CTNNA3: variants seen among roughly 807,000 people sequenced by gnomAD.
CTNNA3 encodes catenin alpha-3.
A neutral mutation model predicts 95.7 loss-of-function variants in CTNNA3; 76 were observed. The ratio of observed to expected loss-of-function variants is 0.79; its 90% CI spans 0.66 to 0.96. The LOEUF (loss-of-function observed/expected upper bound fraction) is 0.96, where lower values mean the gene tolerates loss of function less well. Ranked by LOEUF, CTNNA3 falls within the 40% of genes least tolerant of loss-of-function variation. The pLI, the probability that CTNNA3 is intolerant of heterozygous loss-of-function variation, is 0.00. For missense variants in CTNNA3, 1,191 were observed against 1,089.8 expected, an observed-to-expected ratio of 1.09 and a Z score of -1.31; for synonymous variants, 431 against 374.4, an observed-to-expected ratio of 1.15 and a Z score of -1.74.
At chr10:67,141,853 T>C (rs1262603921) in intron 7 of CTNNA3, among the ~76,000 whole-genome samples, 1 of 152,038 alleles carries the variant, frequency 6.6e-6, no homozygotes, top group African/African-American at 2.4e-5. Flanking sequence ...TCCAGGGTGT[T>C]TTTTTTTCTT....
At chr10:66,417,387 G>T (rs4746581) in intron 11 of CTNNA3, among the ~76,000 whole-genome samples, 94,741 of 151,802 alleles carry the variant, frequency 0.62, 31,774 homozygotes, top group East Asian at 0.88. Flanking sequence ...ATAAAGGAAA[G>T]ATTACTAAAT....
At chr10:65,948,342 C>T (rs1031555207) in intron 17 of CTNNA3, among the ~76,000 whole-genome samples, 1 of 151,656 alleles carries the variant, frequency 6.6e-6, no homozygotes, top group South Asian at 2.1e-4. Context: ...GCACACCCCC[C>T]CCAACATAGT....
At chr10:67,554,560 G>C (rs1000594673) in intron 3 of CTNNA3, among the ~76,000 whole-genome samples, 1 of 152,138 alleles carries the variant, frequency 6.6e-6, no homozygotes, top group Admixed American at 6.5e-5. Flanking sequence ...GTCTTCTTTT[G>C]AGAAGTGTCT....
intron 5 of CTNNA3, among the ~76,000 whole-genome samples, chr10:67,486,534 G>T (rs1358418360): frequency 6.6e-6 from 1 of 151,728 alleles, no homozygotes; most frequent in East Asian, 1.9e-4. Context: ...CCATACTTTG[G>T]TAGGTCCCCA....
intron 7 of CTNNA3, among the ~76,000 whole-genome samples, chr10:66,902,217 GT>G (rs1845781435): frequency 6.6e-6 from 1 of 152,026 alleles, no homozygotes; most frequent in African/African-American, 2.4e-5. Context: ...AGAACTCAGG[GT>G]TAAGAAACTC....
At chr10:66,186,895 T>C (rs778035098) in intron 13 of CTNNA3, among the ~76,000 whole-genome samples, 6 of 152,142 alleles carry the variant, frequency 3.9e-5, no homozygotes, top group Non-Finnish European at 7.3e-5. Context: ...TTCAATTATA[T>C]AGGTAATGTT....
chr10:66,509,586 A>C (rs1037587603), intron 11 of CTNNA3, among the ~76,000 whole-genome samples: 1 of 151,922 alleles, frequency 6.6e-6, no homozygotes, highest in Non-Finnish European at 1.5e-5. Flanking sequence ...CTGCATATGA[A>C]TATCCAGTTT....
At chr10:67,677,523 A>ACCTCACATCCCACCCATGTAT (rs973288452) in intron 1 of CTNNA3, among the ~76,000 whole-genome samples, 2 of 152,072 alleles carry the variant, frequency 1.3e-5, no homozygotes, top group Admixed American at 1.3e-4. Context: ...ATTTGCAACA[A>ACCTCACATCCCACCCATGTAT]CCTCACATCC....
Position 66,402,930 on chromosome 10 carries a change from T to C in CTNNA3, c.1532-23578A>G, listed in dbSNP as rs74141493. Among the ~76,000 whole-genome samples, 376 of 152,248 alleles carry C rather than the reference T, an allele frequency of 2.5e-3. 3 individuals are homozygous for C. Among genetic ancestry groups the C allele is most frequent in the African/African-American group, 8.6e-3 (356 of 41,552 alleles). On this transcript the variant is annotated intron_variant, in intron 11 of 17. Coordinates refer to ENST00000433211, the MANE Select transcript of CTNNA3 (RefSeq NM_013266.4). Reference sequence around the variant, plus strand: ...ATCATCATATTTGTTCCAAGTTTTTTCCCGAGGGCCTTGGAGAAAGTCACT... The same window carrying C: ...ATCATCATATTTGTTCCAAGTTTTTCCCCGAGGGCCTTGGAGAAAGTCACT...
chr10:67,040,034 T>G (rs1341377838), intron 7 of CTNNA3, among the ~76,000 whole-genome samples: 1 of 152,130 alleles, frequency 6.6e-6, no homozygotes, highest in African/African-American at 2.4e-5. Context: ...GGAGGGTTAG[T>G]GACACTCCAC....
intron 17 of CTNNA3, among the ~76,000 whole-genome samples, chr10:65,950,806 A>G (rs908845926): frequency 1.3e-5 from 2 of 152,248 alleles, no homozygotes; most frequent in Non-Finnish European, 2.9e-5. Context: ...TGTAAGGAGT[A>G]CATTTAACAG....
At chr10:67,166,803 T>A (rs1419131217) in intron 7 of CTNNA3, among the ~76,000 whole-genome samples, 2 of 152,158 alleles carry the variant, frequency 1.3e-5, no homozygotes, top group East Asian at 3.9e-4. Flanking sequence ...CAAAACCTAA[T>A]GTTTAAAAAG....
intron 7 of CTNNA3, among the ~76,000 whole-genome samples, chr10:67,010,334 AATGTTTTAAAATTGTTTTAAAAT>A (rs1000720863): frequency 4.6e-5 from 7 of 152,198 alleles, no homozygotes; most frequent in African/African-American, 1.7e-4. Flanking sequence ...AAAATCCAAC[AATGTTTTAAAATTGTTTTAAAAT>A]ATGTTTTAAA....
chr10:67,388,676 C>T (rs1413278917), intron 5 of CTNNA3, among the ~76,000 whole-genome samples: 4 of 151,488 alleles, frequency 2.6e-5, no homozygotes, highest in African/African-American at 9.7e-5. Flanking sequence ...TCGGGTTACC[C>T]TCAAAGGGAA....
At chr10:66,757,797 A>G (rs1839425321) in intron 9 of CTNNA3, among the ~76,000 whole-genome samples, 1 of 152,112 alleles carries the variant, frequency 6.6e-6, no homozygotes, top group Non-Finnish European at 1.5e-5. Context: ...TATCCCTTTA[A>G]TCTCTGGCAT....
intron 5 of CTNNA3, among the ~76,000 whole-genome samples, chr10:67,475,167 C>A (rs1288520920): frequency 6.6e-6 from 1 of 152,136 alleles, no homozygotes; most frequent in Admixed American, 6.5e-5. Flanking sequence ...AAGCCACACA[C>A]AAACAGCCAC....
At chr10:66,784,105 AT>A (rs1840647043) in intron 7 of CTNNA3, among the ~76,000 whole-genome samples, 1 of 152,120 alleles carries the variant, frequency 6.6e-6, no homozygotes, top group Non-Finnish European at 1.5e-5. Flanking sequence ...AGACATGTTT[AT>A]TTTTAACACC....
At chr10:66,312,457 T>C (rs548331012) in intron 12 of CTNNA3, among the ~76,000 whole-genome samples, 1 of 152,176 alleles carries the variant, frequency 6.6e-6, no homozygotes, top group African/African-American at 2.4e-5. Flanking sequence ...GTGTTGTGTG[T>C]GTGTATAAAT....
intron 5 of CTNNA3, among the ~76,000 whole-genome samples, chr10:67,500,791 C>T (rs1839204275): frequency 6.6e-6 from 1 of 152,140 alleles, no homozygotes; most frequent in Admixed American, 6.5e-5. Context: ...AAATATTCCT[C>T]CATCCTTGAG....
Sources: allele counts gnomAD v4.1 joint callset (sites outside exome capture counted in the v4.1 genomes callset), GRCh38; gene constraint gnomAD v4.1.1; transcripts MANE v1.5; gene names NCBI Gene and HGNC (gene_info 2026-07-23, HGNC 2026-07-21).